YES1: variants seen among roughly 807,000 people sequenced by gnomAD.
YES1 encodes the protein YES proto-oncogene 1, Src family tyrosine kinase.
In YES1, 39 loss-of-function variants were observed where a neutral mutation model predicts 70.4. That is an observed-to-expected ratio of 0.55 (90% CI 0.43 to 0.72). YES1 has a LOEUF of 0.72. Among genes scored for constraint, YES1 ranks in the 30% least tolerant of loss-of-function variants. The pLI, the probability that YES1 is intolerant of heterozygous loss-of-function variation, is 0.00. For missense variants in YES1, 495 were observed against 644.8 expected (o/e 0.77, Z 2.52); for synonymous variants, 198 against 218.6 (o/e 0.91, Z 0.83).
intron 2 of YES1, among the ~76,000 whole-genome samples, chr18:752,236 T>C (rs2080352601): frequency 6.6e-6 from 1 of 152,192 alleles, no homozygotes; most frequent in Non-Finnish European, 1.5e-5. Flanking sequence ...GCTTCCCAAG[T>C]AGCTGGGATT....
chr18:771,902 C>T (rs990738454), intron 1 of YES1, among the ~76,000 whole-genome samples: 4 of 152,084 alleles, frequency 2.6e-5, no homozygotes, highest in East Asian at 3.9e-4. Flanking sequence ...CTCAGCTTAA[C>T]GTTGGGCTCT....
At chr18:778,369 C>T (rs1043786244) in intron 1 of YES1, among the ~76,000 whole-genome samples, 1 of 152,248 alleles carries the variant, frequency 6.6e-6, no homozygotes, top group Non-Finnish European at 1.5e-5. Flanking sequence ...ATCCACTGCT[C>T]AACCTATGGC....
At chr18:810,230 G>A (rs1907305832) in intron 1 of YES1, among the ~76,000 whole-genome samples, 1 of 151,998 alleles carries the variant, frequency 6.6e-6, no homozygotes, top group African/African-American at 2.4e-5. Context: ...ACCATCGGTT[G>A]GTAATATTTC....
intron 2 of YES1, among the ~76,000 whole-genome samples, chr18:753,357 C>T (rs1483783377): frequency 1.3e-5 from 2 of 152,136 alleles, no homozygotes; most frequent in African/African-American, 4.8e-5. Flanking sequence ...TTGTTATTAA[C>T]TGTGTTCTAC....
chr18:783,617 CTTT>C (rs71805434), intron 1 of YES1, among the ~76,000 whole-genome samples: 10 of 143,204 alleles, frequency 7.0e-5, no homozygotes, highest in Admixed American at 2.1e-4. Context: ...CAATTTTTCT[CTTT>C]TTTTTTTTTT....
At chr18:788,883 T>G (rs1039976711) in intron 1 of YES1, among the ~76,000 whole-genome samples, 3 of 152,034 alleles carry the variant, frequency 2.0e-5, no homozygotes, top group Non-Finnish European at 4.4e-5. Context: ...CCAAGATCTC[T>G]CCACTGCACT....
chr18:752,531 T>C (rs1955686901), intron 2 of YES1, among the ~76,000 whole-genome samples: 1 of 152,234 alleles, frequency 6.6e-6, no homozygotes, highest in Non-Finnish European at 1.5e-5. Context: ...GGCAGTGTTC[T>C]TCATATAAAT....
chr18:729,793 A>C (rs2080066612), intron 11 of YES1, among the ~76,000 whole-genome samples: 1 of 151,706 alleles, frequency 6.6e-6, no homozygotes, highest in Non-Finnish European at 1.5e-5. Flanking sequence ...TGGCTGGCTA[A>C]TTTTTGTATT....
chr18:794,136 G>A (rs567409199), intron 1 of YES1, among the ~76,000 whole-genome samples: 1 of 152,288 alleles, frequency 6.6e-6, no homozygotes, highest in Non-Finnish European at 1.5e-5. Context: ...GATGAAACCT[G>A]ACAGATATCA....
At position 778,335 on chromosome 18, in the gene YES1, CATG is replaced by C. The variant is rs200975694; in HGVS notation, c.-8-21503_-8-21501del. On this transcript the variant is annotated intron_variant, in intron 1 of 11. Coordinates refer to ENST00000314574, the MANE Select transcript of YES1 (RefSeq NM_005433.4). ...TTAGCCCTTTAGAAAATGTAACAAA[CATG>C]ATAACATTATTTACAGCCAAATCCA... 4.2e-3 allele frequency among the ~76,000 whole-genome samples: 640 copies of C among 152,280 alleles called. 3 individuals carry two copies. Among genetic ancestry groups the C allele is most frequent in the African/African-American group, 0.015 (611 of 41,554 alleles).
intron 1 of YES1, among the ~76,000 whole-genome samples, chr18:798,747 T>C (rs1344799834): frequency 6.6e-6 from 1 of 152,164 alleles, no homozygotes; most frequent in East Asian, 1.9e-4. Context: ...ATTTTAAGAC[T>C]TTTCACTCCT....
chr18:748,942 C>T (rs1229680496), intron 3 of YES1, among the ~76,000 whole-genome samples: 1 of 152,108 alleles, frequency 6.6e-6, no homozygotes, highest in Non-Finnish European at 1.5e-5. Context: ...AGGCAGATCA[C>T]CTGAGGTCCA....
At chr18:742,569 T>G (rs1358636343) in intron 8 of YES1, among the ~76,000 whole-genome samples, 1 of 152,214 alleles carries the variant, frequency 6.6e-6, no homozygotes, top group Non-Finnish European at 1.5e-5. Context: ...AACTTTACCT[T>G]ATTTCTTTGC....
chr18:780,129 G>T (rs1905585469), intron 1 of YES1, among the ~76,000 whole-genome samples: 1 of 152,116 alleles, frequency 6.6e-6, no homozygotes, highest in African/African-American at 2.4e-5. Context: ...GGAGGATAAG[G>T]CAGGAGAATC....
chr18:739,746 T>C lies in YES1; in HGVS notation c.1126A>G (p.Met376Val), dbSNP rs201882590. ...ATATATACAGATACCTGAGCAGCCA[T>C]ATCAACCAGCTGTGGAAGCTTCAAA... The part of the protein sequence containing the change: ...KYLKLPQLVD[M>V]AAQIADGMAY... Residue 376 changes from methionine (M) to valine (V), a missense_variant, in exon 9 of 12, where the codon ATG becomes GTG. Met to Val is a conservative substitution (Grantham distance 21). Transcript: ENST00000314574. 6.2e-7 allele frequency: 1 copy of C among 1,612,352 alleles called. No homozygotes were observed. The highest frequency in any genetic ancestry group is 2.2e-5 in the East Asian group (1 of 44,822).
In YES1 at chr18:782,003, T is replaced by C. The variant is rs552956826; in HGVS notation, c.-8-25168A>G. 2.6e-5 allele frequency among the ~76,000 whole-genome samples: 4 copies of C among 152,292 alleles called. 1 individual carries two copies. The highest frequency in any genetic ancestry group is 6.5e-5 in the Admixed American group (1 of 15,296). ...AAGAGAAACTAGAACCAGCAACCCA[T>C]GTTCTGGAAATTTGGTTCATTTCTT... On this transcript the variant is annotated intron_variant, in intron 1 of 11. Coordinates refer to ENST00000314574, the MANE Select transcript of YES1 (RefSeq NM_005433.4).
intron 1 of YES1, among the ~76,000 whole-genome samples, chr18:761,955 G>A (rs1026300320): frequency 1.2e-4 from 19 of 152,266 alleles, no homozygotes; most frequent in African/African-American, 4.6e-4. Flanking sequence ...GGGAGGCCAA[G>A]ATGGGAGGAT....
intron 1 of YES1, among the ~76,000 whole-genome samples, chr18:801,632 G>A (rs1906827578): frequency 6.6e-6 from 1 of 152,146 alleles, no homozygotes; most frequent in African/African-American, 2.4e-5. Context: ...ATATTGTACA[G>A]TAGCAATTTG....
chr18:747,904 T>C lies in YES1; in HGVS notation c.470+16A>G, dbSNP rs1406268776. On this transcript the variant is annotated intron_variant, in intron 4 of 11. Transcript: ENST00000314574. ...AAAAATCAAAATAATTAATAAAATA[T>C]GAAGTAGTGCCATACTCTTCTGCCT... 6.2e-7 allele frequency: 1 copy of C among 1,606,882 alleles called. No individual in the cohort carries two copies. The highest frequency in any genetic ancestry group is 8.5e-7 in the Non-Finnish European group (1 of 1,176,176).
Sources: allele counts gnomAD v4.1 joint callset (sites outside exome capture counted in the v4.1 genomes callset), GRCh38; gene constraint gnomAD v4.1.1; transcripts MANE v1.5; gene names NCBI Gene and HGNC (gene_info 2026-07-23, HGNC 2026-07-21).